PLEK2: variants seen among roughly 807,000 people sequenced by gnomAD.
PLEK2 encodes pleckstrin-2.
PLEK2 carries 29 observed loss-of-function variants against 43.8 expected under a neutral mutation model. The ratio of observed to expected loss-of-function variants is 0.66; its 90% CI spans 0.49 to 0.90. The LOEUF is 0.90. Among genes scored for constraint, PLEK2 ranks in the 40% least tolerant of loss-of-function variants. PLEK2 has a pLI of 0.00. For synonymous variants in PLEK2, 162 were observed against 173.2 expected, an observed-to-expected ratio of 0.94 and a Z score of 0.51; for missense variants, 398 against 448.1, an observed-to-expected ratio of 0.89 and a Z score of 1.01.
At chr14:67,404,320 T>C (rs1004367342) in intron 1 of PLEK2, among the ~76,000 whole-genome samples, 1 of 152,122 alleles carries the variant, frequency 6.6e-6, no homozygotes, top group African/African-American at 2.4e-5. Flanking sequence ...TTACTCATAT[T>C]ACTTCATATG....
intron 1 of PLEK2, among the ~76,000 whole-genome samples, chr14:67,407,299 T>C (rs568649585): frequency 5.9e-5 from 9 of 152,048 alleles, no homozygotes; most frequent in African/African-American, 2.2e-4. Flanking sequence ...TTTTTTGTAT[T>C]TTTAGTAGAG....
chr14:67,400,726 G>A (rs2086042468), intron 1 of PLEK2, among the ~76,000 whole-genome samples: 1 of 152,082 alleles, frequency 6.6e-6, no homozygotes, highest in African/African-American at 2.4e-5. Flanking sequence ...GGTGGTTCAC[G>A]CCTGTAATCC....
At chr14:67,407,443 T>TA (rs1312970118) in intron 1 of PLEK2, among the ~76,000 whole-genome samples, 4 of 151,218 alleles carry the variant, frequency 2.6e-5, no homozygotes, top group African/African-American at 7.3e-5. Context: ...TTTTTTTAAT[T>TA]AAAAAAAATG....
At chr14:67,392,260 G>T in intron 6 of PLEK2, 66 bp downstream of exon 6, 1 of 1,068,360 alleles carries the variant, frequency 9.4e-7, no homozygotes, top group Non-Finnish European at 1.5e-6. Context: ...CTTCTTCTGG[G>T]CTCACTGCTC....
chr14:67,395,327 C>A (rs7401296), intron 3 of PLEK2, 75 bp downstream of exon 3: 1 of 1,369,034 alleles, frequency 7.3e-7, no homozygotes, highest in South Asian at 1.3e-5. Flanking sequence ...AGAGCCCCCC[C>A]AAGGGGCAGG....
rs746491267 is a variant in PLEK2 at position 67,397,809 on chromosome 14, G to A, written c.60C>T (p.Asn20=). Residue 20 remains asparagine, a synonymous_variant, in exon 2 of 9, where the codon AAC becomes AAT. Coordinates refer to ENST00000216446, the MANE Select transcript of PLEK2 (RefSeq NM_016445.3). ...GAAGGATGAACCATCGCGCCTTCCAGTTGTGGACAATGTGGCCCTATGGAC... is the reference window on the plus strand; with the variant it reads ...GAAGGATGAACCATCGCGCCTTCCAATTGTGGACAATGTGGCCCTATGGAC... ...FLVKRGHIVH[N]WKARWFILRQ... is the part of the protein sequence containing the mutation. The A allele has an allele frequency of 1.2e-5, 19 of 1,611,438 alleles. No individual in the cohort carries two copies. Among genetic ancestry groups the A allele is most frequent in the Admixed American group, 1.7e-5 (1 of 59,730 alleles).
intron 2 of PLEK2, among the ~76,000 whole-genome samples, chr14:67,396,944 C>CTTT (rs72102932): frequency 0.012 from 1,646 of 138,606 alleles, no homozygotes; most frequent in African/African-American, 0.024. Context: ...TATTGGGAGA[C>CTTT]TTTTTTTTTT....
In PLEK2 at chr14:67,396,449, C is replaced by T. The variant is rs186104432; in HGVS notation, c.208-866G>A. Among the ~76,000 whole-genome samples the T allele has an allele frequency of 2.0e-4, 30 of 151,870 alleles. 1 individual carries two copies. The highest frequency in any genetic ancestry group is 1.8e-3 in the Admixed American group (27 of 15,234). ...AGGCATGAGCCAATGCGCCTGGCCT[C>T]TAAGAGAGTTTTCATCAGACCATGC... On this transcript the variant is annotated intron_variant, in intron 2 of 8. Transcript: ENST00000216446.
intron 5 of PLEK2, 52 bp downstream of exon 5, chr14:67,392,610 G>A (rs1245084424): frequency 2.6e-6 from 4 of 1,525,424 alleles, no homozygotes; most frequent in Non-Finnish European, 3.6e-6. Context: ...ATTCTGTTGT[G>A]TCTTCCTTAA....
intron 1 of PLEK2, among the ~76,000 whole-genome samples, chr14:67,399,946 T>A (rs1316870652): frequency 1.3e-5 from 2 of 152,288 alleles, no homozygotes; most frequent in South Asian, 2.1e-4. Flanking sequence ...TAGGGCTAGG[T>A]TCTAACCAAC....
At chr14:67,402,453 T>C (rs1969895) in intron 1 of PLEK2, among the ~76,000 whole-genome samples, 2 of 152,126 alleles carry the variant, frequency 1.3e-5, no homozygotes, top group African/African-American at 4.8e-5. Flanking sequence ...TGGTTATTTT[T>C]AAACGTACAA....
intron 7 of PLEK2, among the ~76,000 whole-genome samples, chr14:67,388,601 G>A (rs1486727884): frequency 6.6e-6 from 1 of 152,172 alleles, no homozygotes; most frequent in Non-Finnish European, 1.5e-5. Flanking sequence ...GATCCAATAT[G>A]CTACCCGGAA....
At chr14:67,399,421 AAG>A (rs1219804733) in intron 1 of PLEK2, among the ~76,000 whole-genome samples, 1 of 146,480 alleles carries the variant, frequency 6.8e-6, no homozygotes, top group African/African-American at 2.5e-5. Context: ...GGCAGGAATA[AAG>A]AGAAGGGTAG....
At chr14:67,405,642 A>C (rs999442303) in intron 1 of PLEK2, among the ~76,000 whole-genome samples, 1 of 152,174 alleles carries the variant, frequency 6.6e-6, no homozygotes, top group Admixed American at 6.5e-5. Context: ...TTCTGACATT[A>C]GGTTATAAAG....
At chr14:67,410,588 G>A (rs77139150) in intron 1 of PLEK2, among the ~76,000 whole-genome samples, 1,815 of 152,278 alleles carry the variant, frequency 0.012, 17 homozygotes, top group Non-Finnish European at 0.018. Flanking sequence ...CTTGCTTACT[G>A]TTTACAGCAA....
Position 67,410,237 on chromosome 14 carries a change from A to G in PLEK2, c.42+1781T>C, listed in dbSNP as rs1436844654. 2.0e-5 allele frequency among the ~76,000 whole-genome samples: 3 copies of G among 152,036 alleles called. No homozygotes were observed. In the East Asian group the frequency reaches 5.8e-4, roughly 29 times the overall value. ...TGGTGGGGGTGATAGGGAATGATGGAAGGTAACCCCCAGGAACAGGAGAAG... is the reference window on the plus strand; with the variant it reads ...TGGTGGGGGTGATAGGGAATGATGGGAGGTAACCCCCAGGAACAGGAGAAG... On this transcript the variant is annotated intron_variant, in intron 1 of 8. Coordinates refer to ENST00000216446, the MANE Select transcript of PLEK2 (RefSeq NM_016445.3).
At chr14:67,407,295 G>A (rs961264054) in intron 1 of PLEK2, among the ~76,000 whole-genome samples, 1 of 151,706 alleles carries the variant, frequency 6.6e-6, no homozygotes, top group Admixed American at 6.6e-5. Flanking sequence ...CTAATTTTTT[G>A]TATTTTTAGT....
intron 1 of PLEK2, among the ~76,000 whole-genome samples, chr14:67,400,936 G>A (rs2086043749): frequency 6.6e-6 from 1 of 151,808 alleles, no homozygotes; most frequent in Non-Finnish European, 1.5e-5. Flanking sequence ...GCTATAGTGA[G>A]CTATGATCAC....
In PLEK2 at chr14:67,397,286, G is replaced by A. The variant is rs143141122; in HGVS notation, c.207+376C>T. On this transcript the variant is annotated intron_variant, in intron 2 of 8. Coordinates refer to ENST00000216446, the MANE Select transcript of PLEK2 (RefSeq NM_016445.3). ...TGAAGCCACCCCTTACTTCTGGAACGCAGACCCCTCAGGGGATGAAAGCCA... is the reference window on the plus strand; with the variant it reads ...TGAAGCCACCCCTTACTTCTGGAACACAGACCCCTCAGGGGATGAAAGCCA... Among the ~76,000 whole-genome samples the A allele has an allele frequency of 1.2e-3, 189 of 152,218 alleles. 1 individual carries two copies. The highest frequency in any genetic ancestry group is 1.8e-3 in the Non-Finnish European group (122 of 68,008).
Sources: allele counts gnomAD v4.1 joint callset (sites outside exome capture counted in the v4.1 genomes callset), GRCh38; gene constraint gnomAD v4.1.1; transcripts MANE v1.5; gene names NCBI Gene and HGNC (gene_info 2026-07-23, HGNC 2026-07-21).